The following ABCC4 variants were observed in gnomAD, a reference collection of about 807,000 sequenced individuals.
ABCC4 encodes the protein ATP-binding cassette sub-family C member 4.
In ABCC4, 102 loss-of-function variants were observed where a neutral mutation model predicts 168.5. That is an observed-to-expected ratio of 0.61 (90% CI 0.52 to 0.71). The LOEUF is 0.71. ABCC4 is among the 30% of genes least tolerant of loss of function. ABCC4 has a pLI of 0.00. For synonymous variants in ABCC4, 617 were observed against 590.7 expected (o/e 1.04, Z -0.65); for missense variants, 1,402 against 1,605.8 (o/e 0.87, Z 2.17).
At chr13:95,116,040 G>C (rs781000864) in intron 19 of ABCC4, 39 bp from the exon 20 acceptor site, 3 of 1,460,952 alleles carry the variant, frequency 2.1e-6, no homozygotes, top group Non-Finnish European at 1.9e-6. Flanking sequence ...CATTTCCCCA[G>C]ATAGACCCTT....
chr13:95,111,130 A>C (rs1213468115), intron 20 of ABCC4, among the ~76,000 whole-genome samples: 1 of 152,234 alleles, frequency 6.6e-6, no homozygotes, highest in Non-Finnish European at 1.5e-5. Context: ...AAAGAACATA[A>C]GTTCCAGATG....
At chr13:95,259,727 A>G (rs2138846542) in intron 1 of ABCC4, among the ~76,000 whole-genome samples, 1 of 152,372 alleles carries the variant, frequency 6.6e-6, no homozygotes, top group Admixed American at 6.5e-5. Flanking sequence ...GCAGTCTTTT[A>G]GCCACGTTAG....
At chr13:95,192,981 C>T (rs2038303644) in intron 9 of ABCC4, among the ~76,000 whole-genome samples, 2 of 152,218 alleles carry the variant, frequency 1.3e-5, no homozygotes, top group African/African-American at 4.8e-5. Flanking sequence ...TAAAGAGAAA[C>T]TGTCACCTTG....
chr13:95,072,949 C>T lies in ABCC4; in HGVS notation c.3018+255G>A, dbSNP rs9972066. Reference sequence around the variant, plus strand: ...TCTCTAGAATTTCAGAACCTCCCTCCTACAGAGACATTTATTACATCTGAA... The same window carrying T: ...TCTCTAGAATTTCAGAACCTCCCTCTTACAGAGACATTTATTACATCTGAA... On this transcript the variant is annotated intron_variant, in intron 24 of 30. Transcript: ENST00000645237. 0.015 allele frequency among the ~76,000 whole-genome samples: 2,267 copies of T among 152,260 alleles called. 62 individuals are homozygous for T. The highest frequency in any genetic ancestry group is 0.051 in the African/African-American group (2,122 of 41,540).
At position 95,250,250 on chromosome 13, in the gene ABCC4, G is replaced by C. The variant is rs529866821; in HGVS notation, c.75-2497C>G. ...GCCAAATGAGCCATTCCTCCACCCA[G>C]TTCTGCCCCAGTAGCCCTTCTCTCC... On this transcript the variant is annotated intron_variant, in intron 1 of 30. Transcript: ENST00000645237. 2.0e-5 allele frequency among the ~76,000 whole-genome samples: 3 copies of C among 152,214 alleles called. No homozygotes were observed. The South Asian group carries it at 6.2e-4, about 32-fold the overall frequency.
chr13:95,209,347 T>C (rs1566529098), intron 6 of ABCC4, 87 bp downstream of exon 6: 2 of 1,436,562 alleles, frequency 1.4e-6, no homozygotes, highest in Non-Finnish European at 1.9e-6. Context: ...ATAAAAGGCA[T>C]TTAGTTTGTT....
At chr13:95,074,116 A>G (rs935361236) in intron 23 of ABCC4, 98 bp downstream of exon 23, 1 of 883,500 alleles carries the variant, frequency 1.1e-6, no homozygotes, top group Admixed American at 2.7e-5. Context: ...AGGACCAAAC[A>G]GTATGTAGTA....
intron 3 of ABCC4, 34 bp downstream of exon 3, chr13:95,246,941 T>G (rs370778129): frequency 6.7e-5 from 107 of 1,605,516 alleles, no homozygotes; most frequent in Non-Finnish European, 8.8e-5. Flanking sequence ...CTATGTGTCC[T>G]GAAAAACAAT....
At chr13:95,298,008 C>G (rs976709129) in intron 1 of ABCC4, among the ~76,000 whole-genome samples, 1 of 151,306 alleles carries the variant, frequency 6.6e-6, no homozygotes, top group Non-Finnish European at 1.5e-5. Flanking sequence ...CTCAAACTGG[C>G]CCAGGCACAG....
In ABCC4 at chr13:95,021,457, C is replaced by A; in HGVS notation, c.*118G>T. On this transcript the variant is annotated 3_prime_UTR_variant, in exon 31 of 31. Transcript: ENST00000645237. Reference sequence around the variant, plus strand: ...AAGTTGGGAGAAATATTCAAATGAACTAGCATCTTGTATGTATAAATATTT... The same window carrying A: ...AAGTTGGGAGAAATATTCAAATGAAATAGCATCTTGTATGTATAAATATTT... 1.7e-6 allele frequency: 1 copy of A among 598,128 alleles called. No homozygotes were observed. Among genetic ancestry groups the A allele is most frequent in the East Asian group, 2.9e-5 (1 of 34,550 alleles). The allele number at this position is 598,128 out of a possible 1,614,324, so 37.1% of individuals were successfully genotyped here. A position where few individuals can be genotyped will look rare whatever the true frequency, so the allele number is the denominator to read the frequency against.
Position 95,073,915 on chromosome 13 carries a change from G to C in ABCC4, c.2917+299C>G, listed in dbSNP as rs1013402102. 8.5e-5 allele frequency among the ~76,000 whole-genome samples: 13 copies of C among 152,258 alleles called. No individual in the cohort carries two copies. In the East Asian group the frequency reaches 2.5e-3, roughly 29 times the overall value. ...GCTAACACCCTAAGTTGGACAAAAT[G>C]CTTCAGAATAAATTGGTTTTCTCTT... On this transcript the variant is annotated intron_variant, in intron 23 of 30. Transcript: ENST00000645237.
chr13:95,021,615 C>T lies in ABCC4; in HGVS notation c.3938G>A (p.Gly1313Glu), dbSNP rs766098998. 3 of 1,613,078 alleles carry T rather than the reference C, an allele frequency of 1.9e-6. No homozygotes were observed. The highest frequency in any genetic ancestry group is 1.1e-5 in the South Asian group (1 of 91,030). ...TDHMVTNTSN[G>E]QPSTLTIFET... ...GAAAATAGTTAAGGTCGAGGGCTGT[C>T]CATTGGAAGTGTTTGTAACCATGTG... is the stretch of plus-strand genomic sequence containing the variant. The change falls in exon 31 of 31, where the codon GGA becomes GAA. Residue 1313 changes from glycine to glutamate, a missense_variant. Around this residue, in one of 3 missense-constraint regions of ABCC4, gnomAD observed 1,007 missense variants for 1,127.3 expected, o/e 0.89. Transcript: ENST00000645237.
intron 20 of ABCC4, among the ~76,000 whole-genome samples, chr13:95,091,597 A>G (rs1429314986): frequency 6.6e-6 from 1 of 152,184 alleles, no homozygotes; most frequent in African/African-American, 2.4e-5. Flanking sequence ...AACAAATGCT[A>G]AGAGAATTCA....
chr13:95,153,745 G>T (rs942296642), intron 19 of ABCC4, among the ~76,000 whole-genome samples: 2 of 152,098 alleles, frequency 1.3e-5, no homozygotes, highest in Non-Finnish European at 2.9e-5. Flanking sequence ...CATTCTAGTA[G>T]ATTAAAAATT....
chr13:95,191,323 T>G (rs559680367), intron 9 of ABCC4, among the ~76,000 whole-genome samples: 1 of 152,190 alleles, frequency 6.6e-6, no homozygotes, highest in Admixed American at 6.5e-5. Flanking sequence ...TGACCCCTTA[T>G]GTGTCCCATA....
intron 1 of ABCC4, among the ~76,000 whole-genome samples, chr13:95,286,026 G>C (rs1319864973): frequency 6.6e-6 from 1 of 152,078 alleles, no homozygotes; most frequent in Non-Finnish European, 1.5e-5. Context: ...ACTGGGTGTG[G>C]TGGTGCTATT....
chr13:95,154,900 C>T (rs537861978), intron 19 of ABCC4, among the ~76,000 whole-genome samples: 12 of 152,178 alleles, frequency 7.9e-5, no homozygotes, highest in Non-Finnish European at 2.9e-5. Context: ...ACTGAATAAA[C>T]AGATAAATAG....
chr13:95,142,113 G>A (rs993654002), intron 19 of ABCC4, among the ~76,000 whole-genome samples: 15 of 152,132 alleles, frequency 9.9e-5, no homozygotes, highest in South Asian at 6.2e-4. Flanking sequence ...AAGTCATTAC[G>A]CGAAAAAGAT....
intron 21 of ABCC4, among the ~76,000 whole-genome samples, chr13:95,080,107 G>A (rs540453037): frequency 1.9e-4 from 29 of 152,010 alleles, no homozygotes; most frequent in Admixed American, 1.6e-3. Flanking sequence ...TTCCTGTGCC[G>A]CTTATTAACC....
Sources: gnomAD v4.1 joint callset for allele counts (sites outside exome capture counted in the v4.1 genomes callset) on GRCh38, gnomAD v4.1.1 for gene constraint, gnomAD v4.1.1 regional missense constraint, MANE v1.5 for transcripts, NCBI Gene and HGNC (gene_info 2026-07-23, HGNC 2026-07-21) for gene names.